Variants in TNFAIP8 observed in about 807,000 individuals in gnomAD.
The protein encoded by TNFAIP8 is TNF alpha induced protein 8, also known as tumor necrosis factor alpha-induced protein 8.
TNFAIP8 carries 7 observed loss-of-function variants against 13.3 expected under a neutral mutation model. That is an observed-to-expected ratio of 0.52 (90% CI 0.30 to 0.99). The LOEUF is 0.99. Among genes scored for constraint, TNFAIP8 ranks in the 50% least tolerant of loss-of-function variants. The pLI is 0.07. For synonymous variants in TNFAIP8, 94 were observed against 87.6 expected (o/e 1.07, Z -0.41); for missense variants, 258 against 236.9 (o/e 1.09, Z -0.58).
At chr5:119,334,318 T>C (rs1402847553) in intron 1 of TNFAIP8, among the ~76,000 whole-genome samples, 6 of 152,164 alleles carry the variant, frequency 3.9e-5, no homozygotes, top group Non-Finnish European at 8.8e-5. Context: ...CCCTTAAAGT[T>C]ATATTGGTAT....
At chr5:119,388,182 A>T (rs1376347819) in intron 1 of TNFAIP8, among the ~76,000 whole-genome samples, 1 of 152,194 alleles carries the variant, frequency 6.6e-6, no homozygotes, top group Admixed American at 6.5e-5. Context: ...TTGTCCTTGG[A>T]TGTTTTCCCA....
chr5:119,287,662 A>C (rs914958553), intron 1 of TNFAIP8, among the ~76,000 whole-genome samples: 5 of 152,114 alleles, frequency 3.3e-5, no homozygotes, highest in African/African-American at 1.2e-4. Context: ...GAAGTAACTC[A>C]GTTTTGTTAT....
At chr5:119,340,728 G>A (rs1165373459) in intron 1 of TNFAIP8, among the ~76,000 whole-genome samples, 1 of 152,176 alleles carries the variant, frequency 6.6e-6, no homozygotes, top group Non-Finnish European at 1.5e-5. Flanking sequence ...ACAGACAGGT[G>A]ATGGCACAGT....
intron 1 of TNFAIP8, among the ~76,000 whole-genome samples, chr5:119,286,601 G>T (rs955600407): frequency 3.5e-5 from 5 of 142,974 alleles, no homozygotes; most frequent in African/African-American, 1.0e-4. Context: ...CAGCCAGGGC[G>T]ACAGAGCAAG....
At chr5:119,337,215 C>T (rs912636172) in intron 1 of TNFAIP8, among the ~76,000 whole-genome samples, 1 of 152,206 alleles carries the variant, frequency 6.6e-6, no homozygotes, top group East Asian at 1.9e-4. Flanking sequence ...CCATTCTAGA[C>T]TATATGAGAT....
intron 1 of TNFAIP8, among the ~76,000 whole-genome samples, chr5:119,332,285 G>A (rs767866185): frequency 2.0e-5 from 3 of 152,054 alleles, no homozygotes; most frequent in Non-Finnish European, 4.4e-5. Context: ...TTTGCTTCAC[G>A]TGGTTCTCGT....
At chr5:119,349,535 G>A (rs191203906) in intron 1 of TNFAIP8, among the ~76,000 whole-genome samples, 2 of 152,190 alleles carry the variant, frequency 1.3e-5, no homozygotes, top group African/African-American at 2.4e-5. Flanking sequence ...CCGCTGATGC[G>A]GGTGTCAGTA....
intron 1 of TNFAIP8, among the ~76,000 whole-genome samples, chr5:119,303,557 G>A (rs904661505): frequency 6.6e-6 from 1 of 152,170 alleles, no homozygotes; most frequent in Non-Finnish European, 1.5e-5. Flanking sequence ...CATTTGGGTA[G>A]AAGTGGGTGT....
At chr5:119,301,435 C>A (rs189462379) in intron 1 of TNFAIP8, among the ~76,000 whole-genome samples, 7 of 152,318 alleles carry the variant, frequency 4.6e-5, no homozygotes, top group African/African-American at 1.7e-4. Flanking sequence ...CTATGGGAAG[C>A]CTTCTCCAGT....
In TNFAIP8 at chr5:119,373,158, C is replaced by G. The variant is rs73790842; in HGVS notation, c.31+17037C>G. Among the ~76,000 whole-genome samples, 1,222 of 152,168 alleles carry G rather than the reference C, an allele frequency of 8.0e-3. 21 individuals are homozygous for G. Among genetic ancestry groups the G allele is most frequent in the African/African-American group, 0.028 (1,156 of 41,488 alleles). On this transcript the variant is annotated intron_variant, in intron 1 of 1. Coordinates refer to ENST00000504771, the MANE Select transcript of TNFAIP8 (RefSeq NM_014350.4). ...AGACACAAAGCTTAATAACCATACC[C>G]AACCCCTTTTCGACAGCCTGCTGGC...
intron 1 of TNFAIP8, among the ~76,000 whole-genome samples, chr5:119,296,601 C>T (rs1055679177): frequency 4.6e-5 from 7 of 151,976 alleles, no homozygotes; most frequent in South Asian, 2.1e-4. Context: ...TTTGGTTGTG[C>T]CTGTGCCCGG....
rs1753070155 is a variant in TNFAIP8, at chr5:119,396,285, G to T, written c.*2904G>T. The T allele has an allele frequency of 6.6e-6, 1 of 152,204 alleles. No homozygotes were observed. The highest frequency in any genetic ancestry group is 2.4e-5 in the African/African-American group (1 of 41,448). The allele number at this position is 152,204 out of a possible 1,614,324, so 9.4% of individuals were successfully genotyped here. A position where few individuals can be genotyped will look rare whatever the true frequency, so the allele number is the denominator to read the frequency against. ...CAGTACCTAAGTCAGCACAGGTCTG[G>T]CCTGTTCTCTAAAGATCTGTGTAGA... On this transcript the variant is annotated 3_prime_UTR_variant, in exon 2 of 2. Coordinates refer to ENST00000504771, the MANE Select transcript of TNFAIP8 (RefSeq NM_014350.4).
intron 1 of TNFAIP8, among the ~76,000 whole-genome samples, chr5:119,283,280 A>G (rs1748688645): frequency 1.3e-5 from 2 of 152,176 alleles, no homozygotes; most frequent in African/African-American, 4.8e-5. Flanking sequence ...GAAAAAAACA[A>G]TCTTATGACA....
At chr5:119,295,180 ACG>A (rs1322834806) in intron 1 of TNFAIP8, among the ~76,000 whole-genome samples, 1,807 of 36,382 alleles carry the variant, frequency 0.05, 55 homozygotes, top group African/African-American at 0.19. Context: ...TTTAGGTCTA[ACG>A]TTTAGTCTAA....
chr5:119,364,297 A>G (rs953333268), intron 1 of TNFAIP8, among the ~76,000 whole-genome samples: 2 of 152,226 alleles, frequency 1.3e-5, no homozygotes, highest in Admixed American at 6.5e-5. Flanking sequence ...ATCACTCAGG[A>G]AATTCCAAAA....
rs998638768 is a variant in TNFAIP8 at position 119,393,842 on chromosome 5, T to C, written c.*461T>C. Reference sequence around the variant, plus strand: ...CATTGCTCCTTTTGAAACAATTCAATTTTCATGTCTACAGCTGACTGTTTT... The same window carrying C: ...CATTGCTCCTTTTGAAACAATTCAACTTTCATGTCTACAGCTGACTGTTTT... On this transcript the variant is annotated 3_prime_UTR_variant, in exon 2 of 2. Coordinates refer to ENST00000504771, the MANE Select transcript of TNFAIP8 (RefSeq NM_014350.4). 4 of 158,196 alleles carry C rather than the reference T, an allele frequency of 2.5e-5. No homozygotes were observed. Among genetic ancestry groups the C allele is most frequent in the Admixed American group, 2.4e-4 (4 of 16,674 alleles). 9.8% of individuals were successfully genotyped at this position (158,196 alleles called of 1,614,324 possible).
intron 1 of TNFAIP8, among the ~76,000 whole-genome samples, chr5:119,365,942 G>A (rs533250690): frequency 6.6e-6 from 1 of 152,048 alleles, no homozygotes; most frequent in Non-Finnish European, 1.5e-5. Context: ...AATCAAAATA[G>A]CAAAGAAAGT....
At chr5:119,285,661 A>C (rs1387086696) in intron 1 of TNFAIP8, among the ~76,000 whole-genome samples, 1 of 152,272 alleles carries the variant, frequency 6.6e-6, no homozygotes, top group Non-Finnish European at 1.5e-5. Context: ...AAGAGAGCCT[A>C]TCTGTGAAAG....
At chr5:119,281,318 T>TCTCTCTCTCA (rs1297096228) in intron 1 of TNFAIP8, among the ~76,000 whole-genome samples, 1 of 20,720 alleles carries the variant, frequency 4.8e-5, no homozygotes, top group Non-Finnish European at 1.4e-4. Flanking sequence ...TCTCTCTCTC[T>TCTCTCTCTCA]CACACTTACA....
Sources: gnomAD v4.1 joint callset for allele counts (sites outside exome capture counted in the v4.1 genomes callset) on GRCh38, gnomAD v4.1.1 for gene constraint, MANE v1.5 for transcripts, NCBI Gene and HGNC (gene_info 2026-07-23, HGNC 2026-07-21) for gene names.